Variants in ARSG observed in about 807,000 individuals in gnomAD.
The protein encoded by ARSG is ASG.
In ARSG, 37 loss-of-function variants were observed where a neutral mutation model predicts 50.5. The observed-to-expected ratio is 0.73, with a 90% CI of 0.56 to 0.96. The LOEUF (loss-of-function observed/expected upper bound fraction) is 0.96. Ranked by LOEUF, ARSG falls within the 50% of genes least tolerant of loss-of-function variation. ARSG has a pLI of 0.00. For missense variants in ARSG, 629 were observed against 675.3 expected (o/e 0.93, Z 0.76); for synonymous variants, 225 against 254.6 (o/e 0.88, Z 1.11).
At chr17:68,376,148 C>T (rs61238564) in intron 8 of ARSG, among the ~76,000 whole-genome samples, 3,182 of 151,970 alleles carry the variant, frequency 0.021, 108 homozygotes, top group African/African-American at 0.07. Context: ...CTTGCTCTGT[C>T]CCCCAGGCTG....
intron 6 of ARSG, among the ~76,000 whole-genome samples, chr17:68,357,513 C>T (rs1205537542): frequency 6.6e-6 from 1 of 152,200 alleles, no homozygotes; most frequent in Admixed American, 6.5e-5. Context: ...AAGGTGATCC[C>T]CCTACCTCAA....
At chr17:68,435,549 A>G in the ARSG span, 7 of 1,482,346 alleles carry the variant, frequency 4.7e-6, no homozygotes, top group East Asian at 4.5e-5. Flanking sequence ...GGTTTGTTCA[A>G]TCCCATCCCT....
chr17:68,387,889 G>A (rs951989064), intron 9 of ARSG, among the ~76,000 whole-genome samples: 2 of 152,138 alleles, frequency 1.3e-5, no homozygotes, highest in African/African-American at 4.8e-5. Context: ...GAAAGAGAAT[G>A]TGTGGGAGAG....
the ARSG span, among the ~76,000 whole-genome samples, chr17:68,442,389 C>T: frequency 1.3e-5 from 2 of 149,576 alleles, no homozygotes; most frequent in African/African-American, 4.9e-5. Flanking sequence ...CACTTGAATC[C>T]GGGAGGCGAA....
At chr17:68,300,664 C>T (rs1235416147) in intron 1 of ARSG, among the ~76,000 whole-genome samples, 6 of 152,084 alleles carry the variant, frequency 3.9e-5, no homozygotes, top group Non-Finnish European at 5.9e-5. Flanking sequence ...AGATGCATGG[C>T]GTGATGCCAC....
intron 8 of ARSG, among the ~76,000 whole-genome samples, chr17:68,379,657 C>G (rs1232372895): frequency 6.6e-6 from 1 of 151,956 alleles, no homozygotes; most frequent in Admixed American, 6.6e-5. Context: ...ATGCTAATGC[C>G]TTTGTGGGCC....
At chr17:68,263,964 T>A (rs1555745783) in intron 1 of ARSG, among the ~76,000 whole-genome samples, 1 of 151,998 alleles carries the variant, frequency 6.6e-6, no homozygotes, top group Non-Finnish European at 1.5e-5. Flanking sequence ...TTCAAGTGCT[T>A]CTCCTGCCTC....
intron 9 of ARSG, among the ~76,000 whole-genome samples, chr17:68,388,470 C>T (rs565585084): frequency 1.1e-4 from 17 of 152,166 alleles, no homozygotes; most frequent in Admixed American, 3.3e-4. Context: ...ACGGCTTTAG[C>T]GGAAGCTCTC....
intron 4 of ARSG, among the ~76,000 whole-genome samples, chr17:68,350,713 AG>A (rs529643694): frequency 3.2e-4 from 48 of 152,332 alleles, no homozygotes; most frequent in African/African-American, 1.1e-3. Context: ...TGAACCTGGG[AG>A]GCGGAGCTTG....
At chr17:68,395,313 T>C (rs886418594) in intron 10 of ARSG, 120 bp downstream of exon 10, 12 of 1,466,642 alleles carry the variant, frequency 8.2e-6, no homozygotes, top group African/African-American at 1.4e-5. Flanking sequence ...GCAGGTCGGA[T>C]ACAGTGGCTC....
chr17:68,424,736 G>A (rs1013858780), downstream of ARSG, among the ~76,000 whole-genome samples: 1 of 152,114 alleles, frequency 6.6e-6, no homozygotes, highest in Non-Finnish European at 1.5e-5. Context: ...TATTAGTTGG[G>A]CATGGTGGCG....
chr17:68,260,420 C>T (rs2075054861), intron 1 of ARSG, among the ~76,000 whole-genome samples: 1 of 152,176 alleles, frequency 6.6e-6, no homozygotes, highest in Admixed American at 6.5e-5. Flanking sequence ...GTAGAGTCAT[C>T]TGGGGTTGCT....
At chr17:68,339,118 A>G (rs2078154851) in intron 2 of ARSG, among the ~76,000 whole-genome samples, 1 of 152,004 alleles carries the variant, frequency 6.6e-6, no homozygotes. Context: ...TGATATATAC[A>G]TAAGATAAAA....
intron 3 of ARSG, among the ~76,000 whole-genome samples, chr17:68,345,668 G>C (rs2078469886): frequency 6.6e-6 from 1 of 152,092 alleles, no homozygotes. Context: ...TTCTAATCTT[G>C]GTCCATGTTT....
At chr17:68,389,218 A>G (rs1162900779) in intron 9 of ARSG, among the ~76,000 whole-genome samples, 1 of 152,094 alleles carries the variant, frequency 6.6e-6, no homozygotes, top group Non-Finnish European at 1.5e-5. Context: ...TGGTTGGTGG[A>G]GGTGGTCTCA....
chr17:68,269,589 G>C (rs1451737821), intron 1 of ARSG, among the ~76,000 whole-genome samples: 1 of 146,246 alleles, frequency 6.8e-6, no homozygotes, highest in Non-Finnish European at 1.5e-5. Flanking sequence ...CTAAAACCTG[G>C]GACATTTCGA....
At chr17:68,358,080 G>A (rs921462646) in intron 6 of ARSG, among the ~76,000 whole-genome samples, 1 of 152,102 alleles carries the variant, frequency 6.6e-6, no homozygotes, top group African/African-American at 2.4e-5. Context: ...ATCTGCACAT[G>A]TTGTTCCAGC....
At position 68,356,676 on chromosome 17, in the gene ARSG, A is replaced by G. The variant is rs768301422; in HGVS notation, c.576A>G (p.Gln192=). 14 of 1,614,084 alleles carry G rather than the reference A, an allele frequency of 8.7e-6. No individual in the cohort carries two copies. The Admixed American group carries it at 1.2e-4, about 13-fold the overall frequency. ...TGTGGTTTCCACACAGGAACCTTCA[A>G]AGAGACTGTTACACTGACGTGGCCC... is the stretch of plus-strand genomic sequence containing the variant. ...PQGDGPSRNL[Q]RDCYTDVALP... Residue 192 remains glutamine, a synonymous_variant, in exon 6 of 12, where the codon CAA becomes CAG. Coordinates refer to ENST00000621439, the MANE Select transcript of ARSG (RefSeq NM_001267727.2).
At chr17:68,358,948 G>A (rs2079158775) in intron 6 of ARSG, among the ~76,000 whole-genome samples, 1 of 152,142 alleles carries the variant, frequency 6.6e-6, no homozygotes, top group Admixed American at 6.5e-5. Context: ...TGGATCACGA[G>A]GTCAGGAGAT....
Sources: gnomAD v4.1 joint callset for allele counts (sites outside exome capture counted in the v4.1 genomes callset) on GRCh38, gnomAD v4.1.1 for gene constraint, MANE v1.5 for transcripts, NCBI Gene and HGNC (gene_info 2026-07-23, HGNC 2026-07-21) for gene names.